TTC28: variants seen among roughly 807,000 people sequenced by gnomAD.
The protein encoded by TTC28 is tetratricopeptide repeat domain 28.
In TTC28, 61 loss-of-function variants were observed where a neutral mutation model predicts 198.0. The observed-to-expected ratio is 0.31, with a 90% CI of 0.25 to 0.38. The LOEUF is 0.38. TTC28 is among the 10% of genes least tolerant of loss of function. The pLI, the probability that TTC28 is intolerant of heterozygous loss-of-function variation, is 1.00. For synonymous variants in TTC28, 1,171 were observed against 1,297.8 expected (o/e 0.90, Z 2.10); for missense variants, 2,678 against 3,164.0 (o/e 0.85, Z 3.69).
Position 28,107,505 on chromosome 22 carries a change from T to C in TTC28, c.2340A>G (p.Glu780=), listed in dbSNP as rs1281105314. The change falls in exon 7 of 23, where the codon GAA becomes GAG. Residue 780 remains glutamate, a synonymous_variant. Transcript: ENST00000397906. ...CACTCAGCTCCTGATATACCTCCAG[T>C]TCCTGTGTGTGATAACCCAGGGCCT... is the stretch of plus-strand genomic sequence containing the variant. ...YDKALGYHTQ[E]LEVYQELSDL... is the part of the protein sequence containing the mutation. 1 of 1,551,748 alleles carries C rather than the reference T, an allele frequency of 6.4e-7. No individual in the cohort carries two copies. Among genetic ancestry groups the C allele is most frequent in the Admixed American group, 2.0e-5 (1 of 50,994 alleles).
chr22:28,401,677 G>C (rs1231762112), intron 2 of TTC28, among the ~76,000 whole-genome samples: 1 of 152,228 alleles, frequency 6.6e-6, no homozygotes, highest in East Asian at 1.9e-4. Flanking sequence ...TGTAATCCGA[G>C]TACTTTGGGA....
At position 27,982,302 on chromosome 22, in the gene TTC28, G is replaced by C; in HGVS notation, c.7365C>G (p.Pro2455=). The C allele has an allele frequency of 6.6e-7, 1 of 1,519,990 alleles. No individual in the cohort carries two copies. The highest frequency in any genetic ancestry group is 8.8e-7 in the Non-Finnish European group (1 of 1,131,726). 94.2% of individuals were successfully genotyped at this position (1,519,990 alleles called of 1,614,324 possible). A position where few individuals can be genotyped will look rare whatever the true frequency, so the allele number is the denominator to read the frequency against. The change falls in exon 23 of 23, where the codon CCC becomes CCG. Residue 2455 remains proline, a synonymous_variant. Coordinates refer to ENST00000397906, the MANE Select transcript of TTC28 (RefSeq NM_001145418.2). The surrounding 1 kb of genome is among the most constrained non-coding windows in gnomAD (Gnocchi z 5.2). ...PLPAGPPATA[P]ARPLRLPSGN... is the part of the protein sequence containing the mutation. ...CAGAAGGAAGCCTCAAAGGGCGCGC[G>C]GGGGCTGTGGCGGGAGGGCCGGCGG...
intron 2 of TTC28, among the ~76,000 whole-genome samples, chr22:28,554,669 G>A (rs539746636): frequency 1.1e-3 from 166 of 152,150 alleles, no homozygotes; most frequent in African/African-American, 3.8e-3. Flanking sequence ...TCAGGAGTTC[G>A]AGACCAGCCT....
intron 5 of TTC28, among the ~76,000 whole-genome samples, chr22:28,217,387 C>G (rs946909389): frequency 6.6e-6 from 1 of 152,194 alleles, no homozygotes; most frequent in African/African-American, 2.4e-5. Flanking sequence ...ATACCTATTA[C>G]ATCAGTTCAG....
chr22:28,607,907 T>C (rs2050759571), intron 2 of TTC28, among the ~76,000 whole-genome samples: 1 of 152,222 alleles, frequency 6.6e-6, no homozygotes, highest in Non-Finnish European at 1.5e-5. Context: ...TTCACTCTCC[T>C]ACTTTCCATT....
At chr22:28,144,041 G>A (rs886640968) in intron 6 of TTC28, among the ~76,000 whole-genome samples, 6 of 152,148 alleles carry the variant, frequency 3.9e-5, no homozygotes, top group African/African-American at 1.2e-4. Flanking sequence ...TACCTCCAAG[G>A]CAGAAGGAAG....
intron 5 of TTC28, among the ~76,000 whole-genome samples, chr22:28,185,358 C>T (rs139605950): frequency 1.9e-4 from 29 of 152,182 alleles, no homozygotes; most frequent in East Asian, 5.8e-4. Context: ...GTACCGTGCA[C>T]GAGGCATGAA....
At chr22:28,434,764 T>C (rs2047492046) in intron 2 of TTC28, among the ~76,000 whole-genome samples, 1 of 152,194 alleles carries the variant, frequency 6.6e-6, no homozygotes, top group East Asian at 1.9e-4. Flanking sequence ...GGTTCAAGCC[T>C]ATATACATTG....
rs1006136327 is a variant in TTC28 at position 28,005,893 on chromosome 22, C to A, written c.4219-4340G>T. 6.6e-6 allele frequency among the ~76,000 whole-genome samples: 1 copy of A among 152,240 alleles called. No homozygotes were observed. The highest frequency in any genetic ancestry group is 1.9e-4 in the East Asian group (1 of 5,192). ...TCCCATGTTCATTCTTTACTAGGTACACTCCCTCAGCCCTAGAGAACCACA... is the reference window on the plus strand; with the variant it reads ...TCCCATGTTCATTCTTTACTAGGTAAACTCCCTCAGCCCTAGAGAACCACA... On this transcript the variant is annotated intron_variant, in intron 14 of 22. Transcript: ENST00000397906. This position sits in a 1 kb window ranked among gnomAD's most constrained non-coding sequence, Gnocchi z 4.9.
At chr22:28,364,831 A>T (rs2046220103) in intron 2 of TTC28, among the ~76,000 whole-genome samples, 1 of 152,206 alleles carries the variant, frequency 6.6e-6, no homozygotes, top group South Asian at 2.1e-4. Flanking sequence ...GAGAAAAGTA[A>T]ATGGTTCTTG....
At chr22:28,547,110 T>C (rs1456916046) in intron 2 of TTC28, among the ~76,000 whole-genome samples, 1 of 152,220 alleles carries the variant, frequency 6.6e-6, no homozygotes, top group African/African-American at 2.4e-5. Flanking sequence ...TCATTGAGCA[T>C]TGAACTATAT....
At chr22:28,108,741 G>T (rs1942399692) in intron 6 of TTC28, among the ~76,000 whole-genome samples, 1 of 152,114 alleles carries the variant, frequency 6.6e-6, no homozygotes, top group Admixed American at 6.5e-5. Flanking sequence ...GAGTTTATTT[G>T]GTTTGATTTT....
At chr22:28,081,088 T>C (rs368772715) in intron 12 of TTC28, among the ~76,000 whole-genome samples, 7 of 151,784 alleles carry the variant, frequency 4.6e-5, no homozygotes, top group South Asian at 2.1e-4. Context: ...AACCGTAACA[T>C]AGAAATACAC....
intron 2 of TTC28, among the ~76,000 whole-genome samples, chr22:28,479,705 T>C (rs2048218934): frequency 6.6e-6 from 1 of 152,184 alleles, no homozygotes; most frequent in African/African-American, 2.4e-5. Flanking sequence ...ATATATTCAC[T>C]GATACTAACC....
In TTC28 at chr22:28,364,663, T is replaced by C. The variant is rs182370120; in HGVS notation, c.382-58020A>G. 5.0e-4 allele frequency among the ~76,000 whole-genome samples: 76 copies of C among 152,320 alleles called. 1 individual carries two copies. The highest frequency in any genetic ancestry group is 1.0e-3 in the Admixed American group (16 of 15,290). ...TCAATTCCAACCCTCCTGGATGACT[T>C]TGAGGGGCTCAAGACTTCAGCAGAG... is the stretch of plus-strand genomic sequence containing the variant. On this transcript the variant is annotated intron_variant, in intron 2 of 22. Transcript: ENST00000397906.
In TTC28 at chr22:28,569,466, C is replaced by T. The variant is rs2050028359; in HGVS notation, c.381+60086G>A. Among the ~76,000 whole-genome samples the T allele has an allele frequency of 2.6e-5, 4 of 152,102 alleles. No individual in the cohort carries two copies. The South Asian group carries it at 8.3e-4, about 31-fold the overall frequency. On this transcript the variant is annotated intron_variant, in intron 2 of 22. Transcript: ENST00000397906. ...TAACAAGTAATGGGAAAAGGACTCC[C>T]TATTCAATAAATGGTGCTACAGTAA... is the stretch of plus-strand genomic sequence containing the variant.
At position 27,982,393 on chromosome 22, in the gene TTC28, G is replaced by C; in HGVS notation, c.7274C>G (p.Pro2425Arg). Residue 2425 changes from proline (P) to arginine (R), a missense_variant, in exon 23 of 23, where the codon CCA (proline) becomes CGA (arginine). Physicochemically the swap from Pro to Arg is moderately radical, Grantham distance 103. Coordinates refer to ENST00000397906, the MANE Select transcript of TTC28 (RefSeq NM_001145418.2). This position sits in a 1 kb window ranked among gnomAD's most constrained non-coding sequence, Gnocchi z 5.2. ...ELSLQQHDGA[P>R]PKAPPNGHWR... ...GTGTCCGTTGGGAGGGGCTTTCGGT[G>C]GAGCTCCGTCATGCTGCTGCAGGGA... is the stretch of plus-strand genomic sequence containing the variant. 6.4e-7 allele frequency: 1 copy of C among 1,551,424 alleles called. No homozygotes were observed.
At chr22:28,243,419 T>TC (rs1929835274) in intron 5 of TTC28, among the ~76,000 whole-genome samples, 1 of 148,130 alleles carries the variant, frequency 6.8e-6, no homozygotes, top group African/African-American at 2.5e-5. Context: ...CTCTTTTTTT[T>TC]CCCTTTTTTT....
At chr22:28,089,193 T>G (rs1410075655) in intron 12 of TTC28, among the ~76,000 whole-genome samples, 2 of 152,194 alleles carry the variant, frequency 1.3e-5, no homozygotes, top group Non-Finnish European at 2.9e-5. Flanking sequence ...TAAATCATGC[T>G]GCTATAAAGA....
Sources: allele counts gnomAD v4.1 joint callset (sites outside exome capture counted in the v4.1 genomes callset), GRCh38; gene constraint gnomAD v4.1.1; non-coding constraint Gnocchi (gnomAD v3.1); transcripts MANE v1.5; gene names NCBI Gene and HGNC (gene_info 2026-07-23, HGNC 2026-07-21).